The following PLXDC2 variants were observed in gnomAD, a reference collection of about 807,000 sequenced individuals.
PLXDC2 encodes plexin domain-containing protein 2.
PLXDC2 carries 40 observed loss-of-function variants against 68.9 expected under a neutral mutation model. That is an observed-to-expected ratio of 0.58 (90% CI 0.45 to 0.76). The LOEUF (loss-of-function observed/expected upper bound fraction) is 0.76. Among genes scored for constraint, PLXDC2 ranks in the 30% least tolerant of loss-of-function variants. The pLI is 0.00. For missense variants in PLXDC2, 644 were observed against 661.9 expected, an observed-to-expected ratio of 0.97 and a Z score of 0.30; for synonymous variants, 243 against 234.2, an observed-to-expected ratio of 1.04 and a Z score of -0.34.
At position 20,001,921 on chromosome 10, in the gene PLXDC2, C is replaced by G; in HGVS notation, c.259C>G (p.Pro87Ala). The G allele has an allele frequency of 6.2e-7, 1 of 1,613,400 alleles. No individual in the cohort carries two copies. Residue 87 changes from proline (P) to alanine (A), a missense_variant, in exon 2 of 14, where the codon CCT becomes GCT. Pro to Ala is a conservative substitution (Grantham distance 27). Around this residue, in one of 3 missense-constraint regions of PLXDC2, gnomAD observed 201 missense variants for 166.9 expected, o/e 1.20. Coordinates refer to ENST00000377252, the MANE Select transcript of PLXDC2 (RefSeq NM_032812.9). ...CCGAGCAAGCGTCGGCCAAGACTCTCCTGAGCCCAGAAGCTTCACAGACCT... is the reference window on the plus strand; with the variant it reads ...CCGAGCAAGCGTCGGCCAAGACTCTGCTGAGCCCAGAAGCTTCACAGACCT... ...TNRASVGQDS[P>A]EPRSFTDLLL...
chr10:20,051,124 C>A (rs1835891678), intron 3 of PLXDC2, among the ~76,000 whole-genome samples: 1 of 151,880 alleles, frequency 6.6e-6, no homozygotes, highest in East Asian at 1.9e-4. Context: ...CCTTAGCAAA[C>A]TAACACAGGA....
At chr10:19,884,003 T>G (rs1174123488) in intron 1 of PLXDC2, among the ~76,000 whole-genome samples, 1 of 148,074 alleles carries the variant, frequency 6.8e-6, no homozygotes, top group Non-Finnish European at 1.5e-5. Flanking sequence ...GCTCAGGTGA[T>G]CCTCTCAGCC....
intron 1 of PLXDC2, among the ~76,000 whole-genome samples, chr10:19,855,701 G>A (rs1837197949): frequency 6.6e-6 from 1 of 152,106 alleles, no homozygotes. Flanking sequence ...TTGGATTTGG[G>A]ATTTTCAAAT....
intron 3 of PLXDC2, among the ~76,000 whole-genome samples, chr10:20,067,706 T>G (rs1836236226): frequency 6.6e-6 from 1 of 151,692 alleles, no homozygotes; most frequent in Non-Finnish European, 1.5e-5. Context: ...AAAAAAAAAT[T>G]CTGCAGGTCT....
chr10:20,164,315 CG>C (rs1834344024), intron 6 of PLXDC2, among the ~76,000 whole-genome samples, 152 bp from the exon 7 acceptor site: 1 of 152,086 alleles, frequency 6.6e-6, no homozygotes, highest in Non-Finnish European at 1.5e-5. Flanking sequence ...TTTTTGGTTT[CG>C]TATGTCTCTC....
intron 1 of PLXDC2, among the ~76,000 whole-genome samples, chr10:19,971,910 G>A (rs559343611): frequency 3.9e-5 from 6 of 152,156 alleles, no homozygotes; most frequent in Admixed American, 1.3e-4. Context: ...GTGTAATCTC[G>A]CTGGGGATCT....
intron 1 of PLXDC2, among the ~76,000 whole-genome samples, chr10:19,881,517 TTAG>T (rs1237358273): frequency 1.3e-5 from 2 of 152,230 alleles, no homozygotes; most frequent in East Asian, 3.9e-4. Context: ...AAAGACTTAA[TTAG>T]TAACTGTGAG....
intron 1 of PLXDC2, among the ~76,000 whole-genome samples, chr10:19,931,610 T>C (rs1833635547): frequency 6.6e-6 from 1 of 152,180 alleles, no homozygotes; most frequent in African/African-American, 2.4e-5. Flanking sequence ...GTATATTTGA[T>C]AGATTTAAAG....
intron 13 of PLXDC2, among the ~76,000 whole-genome samples, chr10:20,258,250 C>T (rs1407276169): frequency 6.6e-6 from 1 of 151,970 alleles, no homozygotes; most frequent in Non-Finnish European, 1.5e-5. Flanking sequence ...ACCCGCCCGC[C>T]TCGGCTTCCC....
Position 19,907,669 on chromosome 10 carries a change from G to C in PLXDC2, c.112+90478G>C, listed in dbSNP as rs141865188. On this transcript the variant is annotated intron_variant, in intron 1 of 13. Transcript: ENST00000377252. The stretch of plus-strand genomic sequence containing the variant: ...AACATTGACATTTTTAGTAGAAAAT[G>C]CTTCAACAGAAAACAGGAAATCAAC... Among the ~76,000 whole-genome samples, 953 of 152,302 alleles carry C rather than the reference G, an allele frequency of 6.3e-3. 19 individuals are homozygous for C. The highest frequency in any genetic ancestry group is 4.5e-3 in the Non-Finnish European group (308 of 68,028).
At chr10:19,858,545 C>G (rs933373857) in intron 1 of PLXDC2, among the ~76,000 whole-genome samples, 11 of 152,182 alleles carry the variant, frequency 7.2e-5, no homozygotes, top group Non-Finnish European at 2.9e-5. Flanking sequence ...TCAGTAGAGT[C>G]AGAAACTCTC....
chr10:20,161,362 C>CT (rs1834289010), intron 6 of PLXDC2, among the ~76,000 whole-genome samples: 1 of 150,978 alleles, frequency 6.6e-6, no homozygotes, highest in East Asian at 1.9e-4. Context: ...GTCTTGTATA[C>CT]ATCTGCAGAA....
intron 4 of PLXDC2, among the ~76,000 whole-genome samples, chr10:20,130,631 T>A (rs1833854646): frequency 6.6e-6 from 1 of 152,150 alleles, no homozygotes; most frequent in African/African-American, 2.4e-5. Flanking sequence ...TGTGGACTTG[T>A]CATACATATT....
intron 1 of PLXDC2, among the ~76,000 whole-genome samples, chr10:20,001,078 T>C (rs535767803): frequency 6.6e-6 from 1 of 152,290 alleles, no homozygotes; most frequent in Non-Finnish European, 1.5e-5. Flanking sequence ...CTCCTTGCCT[T>C]CCCATCCATT....
intron 4 of PLXDC2, among the ~76,000 whole-genome samples, chr10:20,126,266 A>G (rs1440574844): frequency 1.4e-5 from 2 of 147,068 alleles, no homozygotes; most frequent in Non-Finnish European, 3.0e-5. Context: ...TACGTTATAT[A>G]ATACATATAT....
intron 4 of PLXDC2, among the ~76,000 whole-genome samples, chr10:20,109,640 A>G (rs1833533082): frequency 6.6e-6 from 1 of 152,210 alleles, no homozygotes; most frequent in Non-Finnish European, 1.5e-5. Context: ...TCTTTCAGAT[A>G]TCTTCTCTCA....
intron 1 of PLXDC2, among the ~76,000 whole-genome samples, chr10:19,929,371 A>G (rs780942376): frequency 1.3e-5 from 2 of 152,068 alleles, no homozygotes; most frequent in Non-Finnish European, 2.9e-5. Context: ...CTAAGCCCCC[A>G]GTGGTTTCAA....
chr10:20,179,089 C>T (rs4748642), intron 9 of PLXDC2, among the ~76,000 whole-genome samples: 134,247 of 151,744 alleles, frequency 0.88, 59,548 homozygotes, highest in Non-Finnish European at 0.91. Context: ...ATTTAAGGAA[C>T]TCTCAGCTCA....
intron 1 of PLXDC2, among the ~76,000 whole-genome samples, chr10:19,819,466 T>G (rs546977525): frequency 1.2e-4 from 16 of 136,604 alleles, no homozygotes; most frequent in Middle Eastern, 3.9e-3. Flanking sequence ...AAATAGTCTA[T>G]ATAAAAATTC....
Sources: allele counts gnomAD v4.1 joint callset (sites outside exome capture counted in the v4.1 genomes callset), GRCh38; gene constraint gnomAD v4.1.1; regional missense constraint gnomAD v4.1.1; transcripts MANE v1.5; gene names NCBI Gene and HGNC (gene_info 2026-07-23, HGNC 2026-07-21).